Variants in USP38 observed in about 807,000 individuals in gnomAD.
USP38 encodes the protein ubiquitin carboxyl-terminal hydrolase 38.
In USP38, 49 loss-of-function variants were observed where a neutral mutation model predicts 94.3. The observed-to-expected ratio is 0.52, with a 90% confidence interval of 0.41 to 0.66. The LOEUF (loss-of-function observed/expected upper bound fraction) is 0.66. USP38 is among the 30% of genes least tolerant of loss of function. The probability of loss-of-function intolerance (pLI) is 0.00; values close to 1 mark genes in which losing one functional copy is unlikely to be tolerated. For synonymous variants in USP38, 468 were observed against 463.6 expected, an observed-to-expected ratio of 1.01 and a Z score of -0.12; for missense variants, 1,128 against 1,229.4, an observed-to-expected ratio of 0.92 and a Z score of 1.23.
Position 143,185,272 on chromosome 4 carries a change from G to C in USP38, c.-179G>C. On this transcript the variant is annotated 5_prime_UTR_variant, in exon 1 of 10. Coordinates refer to ENST00000307017, the MANE Select transcript of USP38 (RefSeq NM_032557.6). ...CTCCAGGCTCGCTAGCTCCCGCCCC[G>C]GCTTGGATGGGTCTCCCTGCGCCAT... The C allele has an allele frequency of 1.4e-6, 1 of 692,256 alleles. No homozygotes were observed. Among genetic ancestry groups the C allele is most frequent in the South Asian group, 2.0e-5 (1 of 49,990 alleles). The allele number at this position is 692,256 out of a possible 1,614,324, so 42.9% of individuals were successfully genotyped here.
In USP38 at chr4:143,212,746, A is replaced by T. The variant is rs1732062893; in HGVS notation, c.1604+322A>T. On this transcript the variant is annotated intron_variant, in intron 8 of 9. Transcript: ENST00000307017. ...GATTTTCTTTATATGCTTCATCCAA[A>T]AAACATATAACAATAGAATGCAGAG... Among the ~76,000 whole-genome samples, 4 of 152,124 alleles carry T rather than the reference A, an allele frequency of 2.6e-5. No individual in the cohort carries two copies. The South Asian group carries it at 8.3e-4, about 31-fold the overall frequency.
chr4:143,200,858 G>T (rs1394179205), intron 4 of USP38, among the ~76,000 whole-genome samples: 1 of 151,972 alleles, frequency 6.6e-6, no homozygotes, highest in Non-Finnish European at 1.5e-5. Context: ...ATACAAAACA[G>T]TGCTCAAAGA....
Position 143,185,670 on chromosome 4 carries a change from C to T in USP38, c.220C>T (p.Pro74Ser). The T allele has an allele frequency of 6.2e-7, 1 of 1,614,166 alleles. No individual in the cohort carries two copies. Among genetic ancestry groups the T allele is most frequent in the Non-Finnish European group, 8.5e-7 (1 of 1,180,010 alleles). The change falls in exon 1 of 10, where the codon CCA becomes TCA. Residue 74 changes from proline to serine, a missense_variant. Transcript: ENST00000307017. Reference sequence around the variant, plus strand: ...GGAGGCCTACGCACGATACCACCGGCCAGAGTTCGAGTCCTTCTTCAACAA... The same window carrying T: ...GGAGGCCTACGCACGATACCACCGGTCAGAGTTCGAGTCCTTCTTCAACAA... ...VLEAYARYHR[P>S]EFESFFNKTF...
At position 143,213,648 on chromosome 4, in the gene USP38, A is replaced by C. The variant is rs1181328307; in HGVS notation, c.1672A>C (p.Ser558Arg). The C allele has an allele frequency of 1.2e-6, 2 of 1,613,478 alleles. No individual in the cohort carries two copies. The highest frequency in any genetic ancestry group is 1.7e-6 in the Non-Finnish European group (2 of 1,179,692). The part of the protein sequence containing the change: ...SHKPSEILEC[S>R]ETSLQEVASK... ...CAAGCCTTCTGAAATTCTGGAATGC[A>C]GTGAAACTTCTTTACAGGAAGTAGC... Residue 558 changes from serine (S) to arginine (R), a missense_variant, in exon 9 of 10, where the codon AGT (serine) becomes CGT (arginine). By Grantham distance (110) the Ser-to-Arg change is moderately radical (BLOSUM62 -1). Transcript: ENST00000307017.
At chr4:143,192,550 CTTTTT>C (rs35416730) in intron 2 of USP38, among the ~76,000 whole-genome samples, 28 of 103,396 alleles carry the variant, frequency 2.7e-4, no homozygotes, top group East Asian at 6.2e-4. Context: ...TCCCATATTA[CTTTTT>C]TTTTTTTTTT....
At chr4:143,210,778 A>T (rs1166992973) in intron 7 of USP38, among the ~76,000 whole-genome samples, 3 of 151,964 alleles carry the variant, frequency 2.0e-5, no homozygotes, top group African/African-American at 7.2e-5. Flanking sequence ...TTGAGAATTG[A>T]TGGGGTTCAG....
At position 143,195,762 on chromosome 4, in the gene USP38, T is replaced by G; in HGVS notation, c.865T>G (p.Trp289Gly). 1.2e-6 allele frequency: 2 copies of G among 1,613,398 alleles called. No individual in the cohort carries two copies. Among genetic ancestry groups the G allele is most frequent in the Non-Finnish European group, 8.5e-7 (1 of 1,179,694 alleles). The change falls in exon 3 of 10, where the codon TGG (tryptophan) becomes GGG (glycine). Residue 289 changes from tryptophan to glycine, a missense_variant. Trp to Gly is a radical substitution (Grantham distance 184). Coordinates refer to ENST00000307017, the MANE Select transcript of USP38 (RefSeq NM_032557.6). ...SWPLAQHVDTWVIALLKGLAA... is the reference protein window; with the variant it reads ...SWPLAQHVDTGVIALLKGLAA... ...GCCATTGGCTCAGCATGTGGATACA[T>G]GGGTAATTGCACTCCTGAAAGGACT...
At position 143,213,676 on chromosome 4, in the gene USP38, G is replaced by A. The variant is rs375593701; in HGVS notation, c.1700G>A (p.Ser567Asn). ...GAAACTTCTTTACAGGAAGTAGCTAGTAAAGCAGCAGTACTAACAGAGACC... is the reference window on the plus strand; with the variant it reads ...GAAACTTCTTTACAGGAAGTAGCTAATAAAGCAGCAGTACTAACAGAGACC... The part of the protein sequence containing the change: ...CSETSLQEVA[S>N]KAAVLTETPR... Residue 567 changes from serine to asparagine, a missense_variant, in exon 9 of 10, where the codon AGT becomes AAT. Transcript: ENST00000307017. 1.2e-6 allele frequency: 2 copies of A among 1,613,624 alleles called. No individual in the cohort carries two copies. Among genetic ancestry groups the A allele is most frequent in the Non-Finnish European group, 1.7e-6 (2 of 1,179,750 alleles).
At chr4:143,196,623 A>G (rs1731557232) in intron 3 of USP38, among the ~76,000 whole-genome samples, 1 of 152,170 alleles carries the variant, frequency 6.6e-6, no homozygotes, top group Non-Finnish European at 1.5e-5. Flanking sequence ...CTTACAGTTC[A>G]GTCTTTGGTC....
At chr4:143,219,659 C>T (rs1018203908) in intron 9 of USP38, among the ~76,000 whole-genome samples, 1 of 152,024 alleles carries the variant, frequency 6.6e-6, no homozygotes, top group African/African-American at 2.4e-5. Context: ...GTTTGTGGGT[C>T]CCAGTTTTAG....
chr4:143,192,956 T>C (rs916345646), intron 2 of USP38, among the ~76,000 whole-genome samples: 6 of 152,148 alleles, frequency 3.9e-5, no homozygotes, highest in African/African-American at 1.2e-4. Flanking sequence ...TGAAAAGCCA[T>C]GGCCAAGTGG....
rs957445340 is a variant in USP38, at chr4:143,222,146, T to C, written c.*1690T>C. ...TGATTTAATACTTGATAGATTGATA[T>C]TGGGCTAAGATGCTTCTAGGAACTT... On this transcript the variant is annotated 3_prime_UTR_variant, in exon 10 of 10. Transcript: ENST00000307017. 1 of 152,108 alleles carries C rather than the reference T, an allele frequency of 6.6e-6. No individual in the cohort carries two copies. The highest frequency in any genetic ancestry group is 1.9e-4 in the East Asian group (1 of 5,194). The allele number at this position is 152,108 out of a possible 1,614,324, so 9.4% of individuals were successfully genotyped here. A position where few individuals can be genotyped will look rare whatever the true frequency, so the allele number is the denominator to read the frequency against.
intron 1 of USP38, 49 bp downstream of exon 1, chr4:143,186,181 C>T (rs1731218855): frequency 6.5e-7 from 1 of 1,542,568 alleles, no homozygotes. Context: ...CAGTATATGT[C>T]TCTCTTGCAC....
At chr4:143,211,000 A>G (rs954855576) in intron 7 of USP38, among the ~76,000 whole-genome samples, 1 of 152,068 alleles carries the variant, frequency 6.6e-6, no homozygotes, top group African/African-American at 2.4e-5. Flanking sequence ...ACGAAATGAA[A>G]ACTATCTCCT....
At chr4:143,213,254 T>A (rs937413591) in intron 8 of USP38, among the ~76,000 whole-genome samples, 3 of 152,150 alleles carry the variant, frequency 2.0e-5, no homozygotes, top group Non-Finnish European at 4.4e-5. Context: ...ATTCAGTAGT[T>A]TATTTGTGCC....
chr4:143,213,490 A>G, intron 8 of USP38, 91 bp from the exon 9 acceptor site: 1 of 1,267,520 alleles, frequency 7.9e-7, no homozygotes, highest in Non-Finnish European at 1.1e-6. Context: ...AAATTTGATT[A>G]GAATAGTTTA....
intron 3 of USP38, among the ~76,000 whole-genome samples, chr4:143,196,158 T>C (rs1731541812): frequency 6.6e-6 from 1 of 151,744 alleles, no homozygotes; most frequent in South Asian, 2.1e-4. Flanking sequence ...ATACAAAAAT[T>C]AGGTTGGCAT....
At chr4:143,197,323 A>G (rs533727435) in intron 3 of USP38, among the ~76,000 whole-genome samples, 6 of 152,342 alleles carry the variant, frequency 3.9e-5, no homozygotes, top group East Asian at 3.9e-4. Flanking sequence ...TTTTTTTGCT[A>G]CACAGCATTC....
intron 7 of USP38, 111 bp from the exon 8 acceptor site, chr4:143,212,207 T>C: frequency 1.3e-6 from 1 of 776,144 alleles, no homozygotes; most frequent in Non-Finnish European, 1.9e-6. Flanking sequence ...TTTTGGCTGA[T>C]GCAATGTTAA....
Sources: gnomAD v4.1 joint callset for allele counts (sites outside exome capture counted in the v4.1 genomes callset) on GRCh38, gnomAD v4.1.1 for gene constraint, MANE v1.5 for transcripts, NCBI Gene and HGNC (gene_info 2026-07-23, HGNC 2026-07-21) for gene names.